OSBPL6: variants seen among roughly 807,000 people sequenced by gnomAD.
OSBPL6 encodes the protein oxysterol-binding protein-related protein 6.
In OSBPL6, 49 loss-of-function variants were observed where a neutral mutation model predicts 125.8. The observed-to-expected ratio is 0.39, with a 90% CI of 0.31 to 0.49. OSBPL6 has a LOEUF of 0.49. OSBPL6 is among the 20% of genes least tolerant of loss of function. The pLI is 0.88. For synonymous variants in OSBPL6, 394 were observed against 391.8 expected (o/e 1.01, Z -0.07); for missense variants, 986 against 1,135.4 (o/e 0.87, Z 1.89).
intron 13 of OSBPL6, among the ~76,000 whole-genome samples, chr2:178,369,324 T>C (rs946883864): frequency 6.6e-6 from 1 of 152,168 alleles, no homozygotes; most frequent in Middle Eastern, 3.2e-3. Flanking sequence ...ATACTGATGA[T>C]TTGCCCCATA....
At chr2:178,373,284 T>G (rs913986766) in intron 14 of OSBPL6, among the ~76,000 whole-genome samples, 3 of 152,232 alleles carry the variant, frequency 2.0e-5, no homozygotes, top group Non-Finnish European at 4.4e-5. Flanking sequence ...TGGAATCTTC[T>G]TTTCAACCTG....
At chr2:178,262,904 T>A (rs2092108761) in intron 1 of OSBPL6, among the ~76,000 whole-genome samples, 1 of 152,166 alleles carries the variant, frequency 6.6e-6, no homozygotes, top group African/African-American at 2.4e-5. Context: ...AGATGAGGAA[T>A]CAAATACAGT....
intron 18 of OSBPL6, 81 bp from the exon 19 acceptor site, chr2:178,385,377 A>G (rs1453496469): frequency 4.1e-6 from 4 of 983,970 alleles, no homozygotes; most frequent in Non-Finnish European, 6.3e-6. Flanking sequence ...ATACATTTTG[A>G]GAATAATTCA....
rs34986231 is a variant in OSBPL6, at chr2:178,249,827, G to GTTT, written c.-350-35084_-350-35082dup. Among the ~76,000 whole-genome samples the GTTT allele has an allele frequency of 9.7e-3, 1,155 of 119,474 alleles. 23 individuals are homozygous for GTTT. The highest frequency in any genetic ancestry group is 0.034 in the African/African-American group (1,103 of 32,346). 78.4% of individuals were successfully genotyped at this position (119,474 alleles called of 152,430 possible). ...TATTATAAAATCCCTAACTAGAAGT[G>GTTT]TTTTTTTTTTTTTTTTTTGGAATCT... On this transcript the variant is annotated intron_variant, in intron 1 of 24. Coordinates refer to ENST00000190611, the MANE Select transcript of OSBPL6 (RefSeq NM_032523.4).
In OSBPL6 at chr2:178,394,160, C is replaced by T. The variant is rs115719270; in HGVS notation, c.2574-153C>T. On this transcript the variant is annotated intron_variant, in intron 23 of 24. Coordinates refer to ENST00000190611, the MANE Select transcript of OSBPL6 (RefSeq NM_032523.4). ...GTTGCAGTGAGCTGAGATCACACCA[C>T]TGCACTCCAGCCTGGCGACAGAGCA... Among the ~76,000 whole-genome samples the T allele has an allele frequency of 7.3e-3, 1,108 of 152,330 alleles. 12 individuals are homozygous for T. The highest frequency in any genetic ancestry group is 0.025 in the African/African-American group (1,042 of 41,568).
At position 178,331,326 on chromosome 2, in the gene OSBPL6, T is replaced by C. The variant is rs565382741; in HGVS notation, c.319-226T>C. On this transcript the variant is annotated intron_variant, in intron 5 of 24. Transcript: ENST00000190611. ...TCATGGTGAAAAGACTCCATCCCCA[T>C]TGGATTATGTATAAAAGAATCTTGG... Among the ~76,000 whole-genome samples the C allele has an allele frequency of 3.9e-5, 6 of 152,286 alleles. No individual in the cohort carries two copies. In the South Asian group the frequency reaches 8.3e-4, roughly 21 times the overall value.
intron 2 of OSBPL6, among the ~76,000 whole-genome samples, chr2:178,290,409 T>G (rs1685136297): frequency 7.1e-6 from 1 of 141,362 alleles, no homozygotes; most frequent in Non-Finnish European, 1.5e-5. Context: ...ATGTTTCACA[T>G]ACTTAATTGT....
intron 15 of OSBPL6, among the ~76,000 whole-genome samples, chr2:178,379,285 AAAG>A (rs1694195985): frequency 7.1e-6 from 1 of 141,806 alleles, no homozygotes; most frequent in Non-Finnish European, 1.5e-5. Flanking sequence ...GAAAGAAAGA[AAAG>A]AAAGAAAGAA....
At position 178,223,487 on chromosome 2, in the gene OSBPL6, T is replaced by C. The variant is rs147625709; in HGVS notation, c.-351+28813T>C. Among the ~76,000 whole-genome samples, 361 of 152,358 alleles carry C rather than the reference T, an allele frequency of 2.4e-3. 4 individuals carry two copies. The highest frequency in any genetic ancestry group is 2.0e-3 in the Non-Finnish European group (139 of 68,036). On this transcript the variant is annotated intron_variant, in intron 1 of 24. Transcript: ENST00000190611. ...ATGTATTGTTAGTTAAGTGGGTATA[T>C]GTATATCTTTCGATATTGGCTCTTG...
At chr2:178,299,304 TA>T (rs1391062614) in intron 2 of OSBPL6, among the ~76,000 whole-genome samples, 1 of 152,250 alleles carries the variant, frequency 6.6e-6, no homozygotes, top group Admixed American at 6.5e-5. Flanking sequence ...TTCTTACTGA[TA>T]TTTTTAAGAT....
At chr2:178,339,808 T>A (rs1690045695) in intron 11 of OSBPL6, 44 bp downstream of exon 11, 1 of 1,454,912 alleles carries the variant, frequency 6.9e-7, no homozygotes, top group Non-Finnish European at 9.4e-7. Flanking sequence ...TACATATTTT[T>A]AAAGTACTAG....
At chr2:178,382,316 TGC>T in intron 15 of OSBPL6, 102 bp from the exon 16 acceptor site, 1 of 1,388,908 alleles carries the variant, frequency 7.2e-7, no homozygotes, top group South Asian at 1.5e-5. Context: ...CTAGGACCTC[TGC>T]TTCTCACTGG....
In OSBPL6 at chr2:178,330,236, C is replaced by T. The variant is rs549643270; in HGVS notation, c.319-1316C>T. ...AGAAATGGAAACCACAGGAAAAAAC[C>T]GTCAAAGAAACAAATTTTGTATGAA... On this transcript the variant is annotated intron_variant, in intron 5 of 24. Transcript: ENST00000190611. 2.6e-5 allele frequency among the ~76,000 whole-genome samples: 4 copies of T among 152,278 alleles called. No homozygotes were observed. In the East Asian group the frequency reaches 5.8e-4, roughly 22 times the overall value.
At chr2:178,300,826 G>T (rs1686207466) in intron 2 of OSBPL6, among the ~76,000 whole-genome samples, 1 of 152,110 alleles carries the variant, frequency 6.6e-6, no homozygotes, top group African/African-American at 2.4e-5. Flanking sequence ...AAAGGGAAAT[G>T]GAAATAGAAC....
At chr2:178,253,403 T>A (rs1222377479) in intron 1 of OSBPL6, among the ~76,000 whole-genome samples, 1 of 152,188 alleles carries the variant, frequency 6.6e-6, no homozygotes, top group African/African-American at 2.4e-5. Flanking sequence ...GAAATAGAAA[T>A]GGATAAGTTG....
chr2:178,269,297 TA>T (rs1339158659), intron 1 of OSBPL6, among the ~76,000 whole-genome samples: 1 of 152,184 alleles, frequency 6.6e-6, no homozygotes, highest in Non-Finnish European at 1.5e-5. Flanking sequence ...CCCACAATAT[TA>T]TGTTGTTAAT....
chr2:178,382,335 A>G, intron 15 of OSBPL6, 85 bp from the exon 16 acceptor site: 1 of 1,468,750 alleles, frequency 6.8e-7, no homozygotes. Flanking sequence ...CTGGAACAAT[A>G]TTTTGTTATT....
intron 19 of OSBPL6, 48 bp from the exon 20 acceptor site, chr2:178,387,013 G>T: frequency 8.0e-7 from 1 of 1,253,630 alleles, no homozygotes; most frequent in Non-Finnish European, 1.2e-6. Flanking sequence ...TAGAAGAGGT[G>T]ATTAGATATG....
intron 20 of OSBPL6, among the ~76,000 whole-genome samples, chr2:178,387,388 C>A (rs1304020907): frequency 1.3e-5 from 2 of 152,184 alleles, no homozygotes; most frequent in African/African-American, 4.8e-5. Context: ...TCCCATGGCC[C>A]AGTCATCATG....
Sources: gnomAD v4.1 joint callset for allele counts (sites outside exome capture counted in the v4.1 genomes callset) on GRCh38, gnomAD v4.1.1 for gene constraint, MANE v1.5 for transcripts, NCBI Gene and HGNC (gene_info 2026-07-23, HGNC 2026-07-21) for gene names.